The following TRPC1 variants were observed in gnomAD, a reference collection of about 807,000 sequenced individuals.
TRPC1 encodes the protein short transient receptor potential channel 1.
A neutral mutation model predicts 88.2 loss-of-function variants in TRPC1; 42 were observed. That is an observed-to-expected ratio of 0.48 (90% CI 0.37 to 0.62). The LOEUF is 0.62. Ranked by LOEUF, TRPC1 falls within the 20% of genes least tolerant of loss-of-function variation. The pLI is 0.00. For synonymous variants in TRPC1, 288 were observed against 331.8 expected (o/e 0.87, Z 1.43); for missense variants, 699 against 957.3 (o/e 0.73, Z 3.56).
intron 6 of TRPC1, among the ~76,000 whole-genome samples, chr3:142,781,648 T>A (rs1470117773): frequency 6.6e-6 from 1 of 152,144 alleles, no homozygotes; most frequent in African/African-American, 2.4e-5. Flanking sequence ...TGCATACATA[T>A]ACATATGATC....
intron 7 of TRPC1, chr3:142,785,412 T>C (rs1936100291): frequency 6.2e-6 from 1 of 160,574 alleles, no homozygotes; most frequent in Non-Finnish European, 1.4e-5. Flanking sequence ...TATTTTATAC[T>C]GTTGTGCATT....
At chr3:142,804,362 A>G in intron 11 of TRPC1, 74 bp from the exon 12 acceptor site, 1 of 1,353,352 alleles carries the variant, frequency 7.4e-7, no homozygotes, top group Non-Finnish European at 9.9e-7. Flanking sequence ...TTTTTCTGCA[A>G]GGTGTGGAAA....
chr3:142,789,377 A>T lies in TRPC1; in HGVS notation c.1298-1642A>T, dbSNP rs79997255. 3.5e-4 allele frequency among the ~76,000 whole-genome samples: 54 copies of T among 152,340 alleles called. 1 individual carries two copies. The East Asian group carries it at 0.01, about 29-fold the overall frequency. ...ACTATTTCATTTTACATTTTTAGAC[A>T]GTTTTCATCTATTCATTTTGAGTAA... On this transcript the variant is annotated intron_variant, in intron 7 of 12. Transcript: ENST00000476941.
chr3:142,765,603 A>G (rs912258357), intron 4 of TRPC1, among the ~76,000 whole-genome samples: 1 of 152,194 alleles, frequency 6.6e-6, no homozygotes, highest in Non-Finnish European at 1.5e-5. Flanking sequence ...TCTTAGAATA[A>G]CTGGCTATCC....
rs1231844506 is a variant in TRPC1 at position 142,806,295 on chromosome 3, A to G, written c.*60A>G. 8 of 1,275,482 alleles carry G rather than the reference A, an allele frequency of 6.3e-6. No homozygotes were observed. The highest frequency in any genetic ancestry group is 1.5e-5 in the African/African-American group (1 of 66,576). 79.0% of individuals were successfully genotyped at this position (1,275,482 alleles called of 1,614,324 possible). On this transcript the variant is annotated 3_prime_UTR_variant, in exon 13 of 13. Transcript: ENST00000476941. The stretch of plus-strand genomic sequence containing the variant: ...TAACAGATCCAAAAGACTATATTGC[A>G]TAACTTGCAATGAAATTAATGAGAT...
chr3:142,759,377 G>A (rs1215953395), intron 4 of TRPC1, among the ~76,000 whole-genome samples: 1 of 152,150 alleles, frequency 6.6e-6, no homozygotes, highest in African/African-American at 2.4e-5. Flanking sequence ...TCTAACTGGT[G>A]TGAGATGGTA....
At chr3:142,737,217 CT>C (rs200417176) in intron 2 of TRPC1, among the ~76,000 whole-genome samples, 4,295 of 142,232 alleles carry the variant, frequency 0.03, 206 homozygotes, top group African/African-American at 0.1. Flanking sequence ...AATTCTACCT[CT>C]TTTTTTTTTT....
chr3:142,754,535 A>C (rs1934892544), intron 4 of TRPC1, among the ~76,000 whole-genome samples: 1 of 152,234 alleles, frequency 6.6e-6, no homozygotes, highest in Admixed American at 6.5e-5. Context: ...AAGTATAATA[A>C]AAAAATAAAA....
At chr3:142,779,560 T>C (rs1252127937) in intron 5 of TRPC1, among the ~76,000 whole-genome samples, 1 of 152,182 alleles carries the variant, frequency 6.6e-6, no homozygotes, top group Non-Finnish European at 1.5e-5. Context: ...ATAAATCCAA[T>C]TACTTATTTT....
At position 142,724,086 on chromosome 3, in the gene TRPC1, T is replaced by C. The variant is rs544740054; in HGVS notation, c.-474T>C. ...TGAGGACAGAGTCGCGAACATCTCC[T>C]CGGAGCGCAGCTGGGCCAGCGGTTC... On this transcript the variant is annotated 5_prime_UTR_variant, in exon 1 of 13. Coordinates refer to ENST00000476941, the MANE Select transcript of TRPC1 (RefSeq NM_001251845.2). The surrounding 1 kb of genome is among the most constrained non-coding windows in gnomAD (Gnocchi z 5.6). 3 of 149,524 alleles carry C rather than the reference T, an allele frequency of 2.0e-5. No homozygotes were observed. The South Asian group carries it at 6.4e-4, about 32-fold the overall frequency. The allele number at this position is 149,524 out of a possible 1,614,324, so 9.3% of individuals were successfully genotyped here.
intron 4 of TRPC1, among the ~76,000 whole-genome samples, chr3:142,752,033 A>G (rs977731491): frequency 8.0e-5 from 11 of 137,356 alleles, no homozygotes; most frequent in Admixed American, 7.4e-4. Context: ...AAAATCCTTT[A>G]TTAGTATTAA....
At chr3:142,735,961 T>C (rs182210005) in intron 1 of TRPC1, among the ~76,000 whole-genome samples, 5 of 152,290 alleles carry the variant, frequency 3.3e-5, no homozygotes, top group Admixed American at 3.3e-4. Flanking sequence ...CTCTATGTTA[T>C]GTAAGTAAAT....
Position 142,804,007 on chromosome 3 carries a change from G to T in TRPC1, c.1788G>T (p.Trp596Cys), listed in dbSNP as rs918449427. 3.7e-6 allele frequency: 6 copies of T among 1,613,506 alleles called. No individual in the cohort carries two copies. The highest frequency in any genetic ancestry group is 5.1e-6 in the Non-Finnish European group (6 of 1,179,722). Reference protein sequence around the residue: ...SFIGTCFALFWYIFSLAHVAI... With the variant: ...SFIGTCFALFCYIFSLAHVAI... Reference sequence around the variant, plus strand: ...TTGGCACCTGCTTTGCTTTGTTCTGGTATATTTTCTCCTTAGCGCATGTGG... The same window carrying T: ...TTGGCACCTGCTTTGCTTTGTTCTGTTATATTTTCTCCTTAGCGCATGTGG... The change falls in exon 11 of 13, where the codon TGG (tryptophan) becomes TGT (cysteine). Residue 596 changes from tryptophan to cysteine, a missense_variant. Trp to Cys is a radical substitution (Grantham distance 215). Around this residue, in one of 4 missense-constraint regions of TRPC1, gnomAD observed 426 missense variants for 641.3 expected, o/e 0.66. Coordinates refer to ENST00000476941, the MANE Select transcript of TRPC1 (RefSeq NM_001251845.2).
intron 4 of TRPC1, among the ~76,000 whole-genome samples, chr3:142,772,723 G>C (rs1184187247): frequency 6.6e-6 from 1 of 152,176 alleles, no homozygotes; most frequent in African/African-American, 2.4e-5. Flanking sequence ...GGAGGCGGAG[G>C]CTGCAGTGAG....
intron 4 of TRPC1, among the ~76,000 whole-genome samples, chr3:142,770,343 C>T (rs139676220): frequency 0.013 from 1,997 of 152,124 alleles, 46 homozygotes; most frequent in African/African-American, 0.045. Flanking sequence ...GTAATCCGCC[C>T]GCCTCAGCCT....
intron 1 of TRPC1, 23 bp from the exon 2 acceptor site, chr3:142,736,356 T>TA: frequency 6.6e-7 from 1 of 1,521,860 alleles, no homozygotes; most frequent in South Asian, 1.3e-5. Flanking sequence ...GATATTAAAT[T>TA]ATGTTTGTAT....
chr3:142,728,849 GT>G (rs1450449715), intron 1 of TRPC1, among the ~76,000 whole-genome samples: 16 of 152,130 alleles, frequency 1.1e-4, no homozygotes, highest in Non-Finnish European at 2.2e-4. Flanking sequence ...AGAGAGGATG[GT>G]GGTGGGAAGA....
intron 4 of TRPC1, among the ~76,000 whole-genome samples, chr3:142,769,392 A>G (rs1560107045): frequency 6.6e-6 from 1 of 152,024 alleles, no homozygotes; most frequent in East Asian, 1.9e-4. Flanking sequence ...GGGGTCTTTC[A>G]GTGTTGCGCA....
intron 1 of TRPC1, among the ~76,000 whole-genome samples, chr3:142,726,949 G>A (rs1933698321): frequency 6.6e-6 from 1 of 152,118 alleles, no homozygotes; most frequent in Non-Finnish European, 1.5e-5. Flanking sequence ...AGGAAAATGA[G>A]GCTTAGCAAA....
Sources: allele counts gnomAD v4.1 joint callset (sites outside exome capture counted in the v4.1 genomes callset), GRCh38; gene constraint gnomAD v4.1.1; regional missense constraint gnomAD v4.1.1; non-coding constraint Gnocchi (gnomAD v3.1); transcripts MANE v1.5; gene names NCBI Gene and HGNC (gene_info 2026-07-23, HGNC 2026-07-21).